Variants in KIDINS220 observed in about 807,000 individuals in gnomAD.
The protein encoded by KIDINS220 is kinase D interacting substrate 220.
A neutral mutation model predicts 157.6 loss-of-function variants in KIDINS220; 63 were observed. The observed-to-expected ratio is 0.40, with a 90% CI of 0.33 to 0.49. KIDINS220 has a LOEUF of 0.49. Among genes scored for constraint, KIDINS220 ranks in the 20% least tolerant of loss-of-function variants. KIDINS220 has a pLI of 0.66. For missense variants in KIDINS220, 1,772 were observed against 2,171.2 expected (o/e 0.82, Z 3.65); for synonymous variants, 732 against 783.6 (o/e 0.93, Z 1.10).
At chr2:8,790,200 A>C (rs1312894192) in intron 13 of KIDINS220, 141 bp from the exon 14 acceptor site, 5 of 723,586 alleles carry the variant, frequency 6.9e-6, no homozygotes, top group South Asian at 6.3e-5. Flanking sequence ...CTGCCACTTA[A>C]CCATTTTACC....
Position 8,733,026 on chromosome 2 carries a change from G to A in KIDINS220, c.4053+418C>T, listed in dbSNP as rs566303601. On this transcript the variant is annotated intron_variant, in intron 29 of 29. Transcript: ENST00000256707. ...CAATATCCGTGAAGGGTGTGCAGGCGTCCTGGAAAACCAAAGGATGGTGCT... is the reference window on the plus strand; with the variant it reads ...CAATATCCGTGAAGGGTGTGCAGGCATCCTGGAAAACCAAAGGATGGTGCT... 6.6e-4 allele frequency among the ~76,000 whole-genome samples: 100 copies of A among 152,306 alleles called. 1 individual carries two copies. The highest frequency in any genetic ancestry group is 2.3e-3 in the African/African-American group (94 of 41,558).
chr2:8,824,591 G>A (rs1486079503), intron 2 of KIDINS220, among the ~76,000 whole-genome samples: 1 of 152,080 alleles, frequency 6.6e-6, no homozygotes, highest in Non-Finnish European at 1.5e-5. Context: ...GAAGCAGGAG[G>A]ATCGCTTGAG....
chr2:8,791,735 A>G (rs911551591), intron 12 of KIDINS220, among the ~76,000 whole-genome samples: 8 of 152,208 alleles, frequency 5.3e-5, no homozygotes, highest in African/African-American at 1.9e-4. Context: ...ACTGAAGAAC[A>G]TAATAGATAA....
At chr2:8,830,630 G>T (rs1679482134) in intron 1 of KIDINS220, among the ~76,000 whole-genome samples, 1 of 152,180 alleles carries the variant, frequency 6.6e-6, no homozygotes, top group Non-Finnish European at 1.5e-5. Context: ...TGTTGCCCAG[G>T]CTGGTCTCAA....
chr2:8,800,579 T>C, intron 8 of KIDINS220, 81 bp from the exon 9 acceptor site: 3 of 982,528 alleles, frequency 3.1e-6, no homozygotes, highest in Non-Finnish European at 4.5e-6. Flanking sequence ...GTTAATCATG[T>C]TTTCATATTT....
chr2:8,736,797 T>C, intron 27 of KIDINS220, 71 bp downstream of exon 27: 6 of 1,520,800 alleles, frequency 3.9e-6, no homozygotes, highest in Non-Finnish European at 5.3e-6. Context: ...ACATAAAGTT[T>C]ACACGACCCA....
At chr2:8,748,314 C>T (rs1238497709) in intron 24 of KIDINS220, among the ~76,000 whole-genome samples, 1 of 152,126 alleles carries the variant, frequency 6.6e-6, no homozygotes, top group Admixed American at 6.5e-5. Context: ...CTGTCAGGTT[C>T]TAAGCAGTTT....
intron 29 of KIDINS220, among the ~76,000 whole-genome samples, chr2:8,732,430 C>T (rs1664252565): frequency 6.6e-6 from 1 of 152,156 alleles, no homozygotes; most frequent in African/African-American, 2.4e-5. Context: ...AAACGTTTAG[C>T]TTTTATTTAA....
At chr2:8,749,044 G>C (rs1289884251) in intron 24 of KIDINS220, among the ~76,000 whole-genome samples, 1 of 152,130 alleles carries the variant, frequency 6.6e-6, no homozygotes, top group African/African-American at 2.4e-5. Flanking sequence ...CTACCACACA[G>C]TTAAATTTTA....
chr2:8,737,159 T>G, intron 26 of KIDINS220, 160 bp from the exon 27 acceptor site: 1 of 688,262 alleles, frequency 1.5e-6, no homozygotes, highest in Non-Finnish European at 2.4e-6. Context: ...GGGAACAGAT[T>G]TAGTTACTGT....
In KIDINS220 at chr2:8,730,003, G is replaced by T. The variant is rs533954832; in HGVS notation, c.*717C>A. 5 of 985,404 alleles carry T rather than the reference G, an allele frequency of 5.1e-6. No individual in the cohort carries two copies. The African/African-American group carries it at 8.7e-5, about 17-fold the overall frequency. 61.0% of individuals were successfully genotyped at this position (985,404 alleles called of 1,614,324 possible). A position where few individuals can be genotyped will look rare whatever the true frequency, so the allele number is the denominator to read the frequency against. Reference sequence around the variant, plus strand: ...ACAGCTGGATGGTGCTGGAAGCCAGGCCTGGGATTTGGAGAGAAGAGTTTC... The same window carrying T: ...ACAGCTGGATGGTGCTGGAAGCCAGTCCTGGGATTTGGAGAGAAGAGTTTC... On this transcript the variant is annotated 3_prime_UTR_variant, in exon 30 of 30. Transcript: ENST00000256707.
At chr2:8,727,028 TAAG>T (rs139259040), downstream of KIDINS220, 4,342 of 1,070,590 alleles carry the variant, frequency 4.1e-3, 122 homozygotes, top group African/African-American at 0.064. Context: ...ACCTTTGTGA[TAAG>T]CCATTAAAAA....
At chr2:8,794,235 T>G (rs1673601536) in intron 11 of KIDINS220, 2 of 282,112 alleles carry the variant, frequency 7.1e-6, no homozygotes, top group Admixed American at 9.6e-5. Flanking sequence ...TTTTCCCCTT[T>G]TCTTAACTCA....
Position 8,731,643 on chromosome 2 carries a change from C to A in KIDINS220, c.4393G>T (p.Val1465Phe). The A allele has an allele frequency of 1.2e-6, 2 of 1,614,136 alleles. No homozygotes were observed. Among genetic ancestry groups the A allele is most frequent in the Non-Finnish European group, 1.7e-6 (2 of 1,180,032 alleles). The change falls in exon 30 of 30, where the codon GTT (valine) becomes TTT (phenylalanine). Residue 1465 changes from valine (V) to phenylalanine (F), a missense_variant. By Grantham distance (50) the Val-to-Phe change is conservative (BLOSUM62 -1). Transcript: ENST00000256707. The surrounding 1 kb of genome is among the most constrained non-coding windows in gnomAD (Gnocchi z 5.2). ...AGGGGGGAAGCATCGTTGGTGGAAACCCCTGATGATGAATAATCGATAACA... is the reference window on the plus strand; with the variant it reads ...AGGGGGGAAGCATCGTTGGTGGAAAACCCTGATGATGAATAATCGATAACA... ...GDVIDYSSSG[V>F]STNDASPLDP...
At chr2:8,790,769 C>A (rs1195200595) in intron 13 of KIDINS220, among the ~76,000 whole-genome samples, 2 of 152,148 alleles carry the variant, frequency 1.3e-5, no homozygotes, top group Non-Finnish European at 2.9e-5. Context: ...GAAGCTGGGG[C>A]ACATGCCAGA....
intron 4 of KIDINS220, 46 bp downstream of exon 4, chr2:8,817,572 A>G (rs1677250280): frequency 9.5e-7 from 1 of 1,053,154 alleles, no homozygotes; most frequent in Admixed American, 2.2e-5. Flanking sequence ...ATCTATGATT[A>G]TAAATAAGAT....
intron 6 of KIDINS220, among the ~76,000 whole-genome samples, chr2:8,809,235 G>A (rs933319766): frequency 6.6e-6 from 1 of 152,096 alleles, no homozygotes; most frequent in Non-Finnish European, 1.5e-5. Context: ...TGGCCAGGGT[G>A]GTTTTGAACT....
rs1674534094 is a variant in KIDINS220, at chr2:8,800,428, T to C, written c.872A>G (p.Lys291Arg). 6.2e-7 allele frequency: 1 copy of C among 1,613,290 alleles called. No homozygotes were observed. The highest frequency in any genetic ancestry group is 1.7e-5 in the Admixed American group (1 of 59,860). Residue 291 changes from lysine (K) to arginine (R), a missense_variant, in exon 9 of 30, where the codon AAA (lysine) becomes AGA (arginine). Physicochemically the swap from Lys to Arg is conservative, Grantham distance 26. Around this residue, in one of 3 missense-constraint regions of KIDINS220, gnomAD observed 725 missense variants for 1,017.1 expected, o/e 0.71. Coordinates refer to ENST00000256707, the MANE Select transcript of KIDINS220 (RefSeq NM_020738.4). Reference sequence around the variant, plus strand: ...TCCTCTAATGTCTATATCAGCATATTTTTGGAGAAGCGCTCGAACAATTTC... The same window carrying C: ...TCCTCTAATGTCTATATCAGCATATCTTTGGAGAAGCGCTCGAACAATTTC... The part of the protein sequence containing the change: ...HVEIVRALLQ[K>R]YADIDIRGQD...
chr2:8,823,509 G>A (rs892827729), intron 2 of KIDINS220, among the ~76,000 whole-genome samples: 5 of 149,970 alleles, frequency 3.3e-5, no homozygotes, highest in East Asian at 3.9e-4. Flanking sequence ...AAATTATCAC[G>A]TTAAAACTCC....
Sources: allele counts gnomAD v4.1 joint callset (sites outside exome capture counted in the v4.1 genomes callset), GRCh38; gene constraint gnomAD v4.1.1; regional missense constraint gnomAD v4.1.1; non-coding constraint Gnocchi (gnomAD v3.1); transcripts MANE v1.5; gene names NCBI Gene and HGNC (gene_info 2026-07-23, HGNC 2026-07-21).